Variants in PCDHGB1 observed in about 807,000 individuals in gnomAD.
The protein encoded by PCDHGB1 is protocadherin gamma-B1.
PCDHGB1 carries 34 observed loss-of-function variants against 56.6 expected under a neutral mutation model. The observed-to-expected ratio is 0.60, with a 90% CI of 0.46 to 0.80. PCDHGB1 has a LOEUF of 0.80. Ranked by LOEUF, PCDHGB1 falls within the 30% of genes least tolerant of loss-of-function variation. The pLI is 0.00. For missense variants in PCDHGB1, 1,278 were observed against 1,204.6 expected (o/e 1.06, Z -0.90); for synonymous variants, 561 against 505.9 (o/e 1.11, Z -1.46).
In PCDHGB1 at chr5:141,476,524, T is replaced by C. The variant is rs1350353768; in HGVS notation, c.2410-18283T>C. On this transcript the variant is annotated intron_variant, in intron 1 of 3. Coordinates refer to ENST00000523390, the MANE Select transcript of PCDHGB1 (RefSeq NM_018922.3). The surrounding 1 kb of genome is among the most constrained non-coding windows in gnomAD (Gnocchi z 7.6). ...TCAACGACAACAATCCTGCTTTCCC[T>C]ACCCAGGAAATGAAATTGGAGATTA... 6.2e-7 allele frequency: 1 copy of C among 1,614,182 alleles called. No individual in the cohort carries two copies. Among genetic ancestry groups the C allele is most frequent in the Non-Finnish European group, 8.5e-7 (1 of 1,180,028 alleles).
intron 1 of PCDHGB1, chr5:141,421,833 C>A: frequency 6.2e-7 from 1 of 1,613,756 alleles, no homozygotes; most frequent in South Asian, 1.1e-5. Context: ...GAAGCCTGGA[C>A]CGAGAGAAAG....
chr5:141,377,619 G>T (rs1248552210), intron 1 of PCDHGB1: 2 of 145,890 alleles, frequency 1.4e-5, no homozygotes, highest in Admixed American at 1.4e-4. Flanking sequence ...AAAAAAAAAA[G>T]ATTTTGTTTT....
rs961891623 is a variant in PCDHGB1 at position 141,487,938 on chromosome 5, GC to G, written c.2410-6868del. The G allele has an allele frequency of 2.8e-5, 17 of 600,188 alleles. No homozygotes were observed. The highest frequency in any genetic ancestry group is 4.7e-5 in the Non-Finnish European group (16 of 342,978). 37.2% of individuals were successfully genotyped at this position (600,188 alleles called of 1,614,324 possible). ...GAGGCTACAGTGCACAGGGTACAGTGCACCAGGCAGTCACTTGGACAAAGGT... is the reference window on the plus strand; with the variant it reads ...GAGGCTACAGTGCACAGGGTACAGTGACCAGGCAGTCACTTGGACAAAGGT... On this transcript the variant is annotated intron_variant, in intron 1 of 3. Coordinates refer to ENST00000523390, the MANE Select transcript of PCDHGB1 (RefSeq NM_018922.3). The surrounding 1 kb of genome is among the most constrained non-coding windows in gnomAD (Gnocchi z 5.0).
intron 1 of PCDHGB1, among the ~76,000 whole-genome samples, chr5:141,447,104 A>G (rs1212797996): frequency 2.0e-5 from 3 of 151,958 alleles, no homozygotes; most frequent in African/African-American, 7.3e-5. Flanking sequence ...TCACATGATT[A>G]TATGTGCTCC....
intron 1 of PCDHGB1, among the ~76,000 whole-genome samples, chr5:141,483,575 A>G (rs1165739266): frequency 6.6e-6 from 1 of 152,194 alleles, no homozygotes; most frequent in Non-Finnish European, 1.5e-5. Flanking sequence ...GAATTCTGGC[A>G]TAAACACCTA....
intron 1 of PCDHGB1, chr5:141,426,510 T>C: frequency 2.9e-6 from 1 of 342,914 alleles, no homozygotes; most frequent in Non-Finnish European, 5.8e-6. Context: ...AACAATACTT[T>C]ACCGTGAACA....
rs1330257915 is a variant in PCDHGB1 at position 141,486,153 on chromosome 5, C to T, written c.2410-8654C>T. Reference sequence around the variant, plus strand: ...GATGTGCGGGCTCGCGATGGGGGTTCTCCAGCCATGGAGCAACATTGCAGC... The same window carrying T: ...GATGTGCGGGCTCGCGATGGGGGTTTTCCAGCCATGGAGCAACATTGCAGC... On this transcript the variant is annotated intron_variant, in intron 1 of 3. Transcript: ENST00000523390. This position sits in a 1 kb window ranked among gnomAD's most constrained non-coding sequence, Gnocchi z 5.0. 1 of 1,614,084 alleles carries T rather than the reference C, an allele frequency of 6.2e-7. No homozygotes were observed. Among genetic ancestry groups the T allele is most frequent in the Non-Finnish European group, 8.5e-7 (1 of 1,180,036 alleles).
At chr5:141,423,240 A>G (rs1260661059) in intron 1 of PCDHGB1, 1 of 1,613,932 alleles carries the variant, frequency 6.2e-7, no homozygotes, top group Middle Eastern at 1.6e-4. Context: ...GCATCCCCGA[A>G]GTCCTGGCGG....
intron 3 of PCDHGB1, among the ~76,000 whole-genome samples, chr5:141,506,444 C>T (rs542906499): frequency 2.1e-5 from 2 of 95,022 alleles, no homozygotes; most frequent in South Asian, 3.6e-4. Flanking sequence ...CGCTCTGTCT[C>T]AAAAAAAAAA....
chr5:141,457,428 C>G (rs72790053), intron 1 of PCDHGB1, among the ~76,000 whole-genome samples: 1,866 of 152,262 alleles, frequency 0.012, 18 homozygotes, highest in Non-Finnish European at 0.017. Context: ...TTTTTCCCCC[C>G]CACCAAGCTG....
intron 1 of PCDHGB1, chr5:141,383,889 G>A (rs1206410102): frequency 3.1e-6 from 5 of 1,613,938 alleles, no homozygotes; most frequent in Non-Finnish European, 4.2e-6. Context: ...GTCTGACAAA[G>A]GCAAAAGTAC....
chr5:141,388,016 C>T lies in PCDHGB1; in HGVS notation c.2409+35347C>T, dbSNP rs1026420398. Reference sequence around the variant, plus strand: ...GGATTCCCGAGGAAATGCCCAAGGGCTCCGTAGTGGGGAACCTCGCCACGG... The same window carrying T: ...GGATTCCCGAGGAAATGCCCAAGGGTTCCGTAGTGGGGAACCTCGCCACGG... On this transcript the variant is annotated intron_variant, in intron 1 of 3. Coordinates refer to ENST00000523390, the MANE Select transcript of PCDHGB1 (RefSeq NM_018922.3). 4.1e-6 allele frequency: 6 copies of T among 1,465,422 alleles called. No individual in the cohort carries two copies. In the African/African-American group the frequency reaches 7.1e-5, roughly 17 times the overall value. The allele number at this position is 1,465,422 out of a possible 1,614,324, so 90.8% of individuals were successfully genotyped here.
chr5:141,408,777 C>T (rs1019825842), intron 1 of PCDHGB1: 22 of 1,611,714 alleles, frequency 1.4e-5, no homozygotes, highest in Non-Finnish European at 1.8e-5. Context: ...GGCAAATACC[C>T]AGAGTTATCT....
chr5:141,395,427 T>A, intron 1 of PCDHGB1: 2 of 722,004 alleles, frequency 2.8e-6, no homozygotes, highest in Non-Finnish European at 4.3e-6. Flanking sequence ...CATTTGCTTT[T>A]AAACGACTTG....
At position 141,431,270 on chromosome 5, in the gene PCDHGB1, G is replaced by C. The variant is rs369177310; in HGVS notation, c.2410-63537G>C. 1.2e-5 allele frequency: 19 copies of C among 1,613,996 alleles called. No homozygotes were observed. Among genetic ancestry groups the C allele is most frequent in the Non-Finnish European group, 1.5e-5 (18 of 1,180,018 alleles). ...CGGGAAGAACTCTCTGCAGAGCTAC[G>C]AGCTCAGCCCGAACACTCACTTCTC... is the stretch of plus-strand genomic sequence containing the variant. On this transcript the variant is annotated intron_variant, in intron 1 of 3. Coordinates refer to ENST00000523390, the MANE Select transcript of PCDHGB1 (RefSeq NM_018922.3). This position sits in a 1 kb window ranked among gnomAD's most constrained non-coding sequence, Gnocchi z 4.8.
chr5:141,355,435 C>T (rs1759852915), intron 1 of PCDHGB1: 7 of 1,614,106 alleles, frequency 4.3e-6, no homozygotes, highest in Non-Finnish European at 5.9e-6. Context: ...CGCCCTGAAC[C>T]CGCGCAGCGG....
chr5:141,401,641 A>C (rs557366973), intron 1 of PCDHGB1, among the ~76,000 whole-genome samples: 1 of 152,374 alleles, frequency 6.6e-6, no homozygotes, highest in African/African-American at 2.4e-5. Context: ...GGAGCTTTAA[A>C]TATAAATGAC....
At chr5:141,383,700 C>G in intron 1 of PCDHGB1, 1 of 1,613,936 alleles carries the variant, frequency 6.2e-7, no homozygotes, top group South Asian at 1.1e-5. Flanking sequence ...TACATGCTAT[C>G]GACCTGGACG....
At chr5:141,455,686 G>A (rs1282071031) in intron 1 of PCDHGB1, among the ~76,000 whole-genome samples, 1 of 152,094 alleles carries the variant, frequency 6.6e-6, no homozygotes. Context: ...AAGGCTGTGG[G>A]AATCGCCAAG....
Sources: allele counts gnomAD v4.1 joint callset (sites outside exome capture counted in the v4.1 genomes callset), GRCh38; gene constraint gnomAD v4.1.1; non-coding constraint Gnocchi (gnomAD v3.1); transcripts MANE v1.5; gene names NCBI Gene and HGNC (gene_info 2026-07-23, HGNC 2026-07-21).